Variants in PCDHGA1 observed in about 807,000 individuals in gnomAD.
PCDHGA1 encodes protocadherin gamma subfamily A, 1.
In PCDHGA1, 32 loss-of-function variants were observed where a neutral mutation model predicts 58.0. That is an observed-to-expected ratio of 0.55 (90% confidence interval 0.42 to 0.74). The LOEUF is 0.74. PCDHGA1 is among the 30% of genes least tolerant of loss of function. PCDHGA1 has a pLI of 0.00. For missense variants in PCDHGA1, 1,205 were observed against 1,182.3 expected (o/e 1.02, Z -0.28); for synonymous variants, 498 against 501.1 (o/e 0.99, Z 0.08).
At chr5:141,409,168 G>T in intron 1 of PCDHGA1, 1 of 1,614,032 alleles carries the variant, frequency 6.2e-7, no homozygotes, top group Non-Finnish European at 8.5e-7. Flanking sequence ...TGGAAGCGAA[G>T]GACGGAGGTG....
intron 1 of PCDHGA1, among the ~76,000 whole-genome samples, chr5:141,447,023 GT>G (rs5871773): frequency 0.034 from 5,146 of 151,536 alleles, 101 homozygotes; most frequent in Middle Eastern, 0.088. Flanking sequence ...GTTTTGTTTT[GT>G]TTTTTTTCTG....
intron 1 of PCDHGA1, chr5:141,351,787 G>A (rs1758823316): frequency 6.2e-7 from 1 of 1,613,298 alleles, no homozygotes; most frequent in Admixed American, 1.7e-5. Flanking sequence ...AGAGCGGGGT[G>A]GTGTTCGCGC....
chr5:141,458,918 A>C (rs1173274380), intron 1 of PCDHGA1, among the ~76,000 whole-genome samples: 1 of 152,022 alleles, frequency 6.6e-6, no homozygotes, highest in Non-Finnish European at 1.5e-5. Context: ...TTTTTTGTGG[A>C]GACGGGGTCT....
chr5:141,361,171 G>A (rs750066776), intron 1 of PCDHGA1: 49 of 1,613,824 alleles, frequency 3.0e-5, no homozygotes, highest in South Asian at 1.1e-5. Context: ...TTGTGCACCT[G>A]AAGTTATTGT....
At chr5:141,407,453 C>G (rs914537742) in intron 1 of PCDHGA1, among the ~76,000 whole-genome samples, 18 of 148,834 alleles carry the variant, frequency 1.2e-4, no homozygotes, top group African/African-American at 4.4e-4. Flanking sequence ...ACACGAGGCT[C>G]ACCAGACAGA....
intron 1 of PCDHGA1, among the ~76,000 whole-genome samples, chr5:141,483,302 C>G (rs1262756268): frequency 2.0e-5 from 3 of 152,012 alleles, no homozygotes; most frequent in Admixed American, 6.5e-5. Context: ...AGTGAAGGGA[C>G]TGGGGACATT....
Position 141,383,152 on chromosome 5 carries a change from G to T in PCDHGA1, c.2421+50047G>T, listed in dbSNP as rs200500982. ...CCTGAACCAGCGCAGCGGCAGCTTG[G>T]TCACTGCGGGCAGGATAGACCGGGA... On this transcript the variant is annotated intron_variant, in intron 1 of 3. Coordinates refer to ENST00000517417, the MANE Select transcript of PCDHGA1 (RefSeq NM_018912.3). 3.1e-6 allele frequency: 5 copies of T among 1,614,006 alleles called. No homozygotes were observed. In the African/African-American group the frequency reaches 6.7e-5, roughly 22 times the overall value.
intron 1 of PCDHGA1, chr5:141,419,426 G>C: frequency 6.2e-7 from 1 of 1,613,312 alleles, no homozygotes; most frequent in Non-Finnish European, 8.5e-7. Flanking sequence ...CTTCGACCAC[G>C]AGCAGCTGCG....
intron 2 of PCDHGA1, among the ~76,000 whole-genome samples, chr5:141,498,604 C>G (rs1445417630): frequency 6.6e-6 from 1 of 152,122 alleles, no homozygotes; most frequent in East Asian, 1.9e-4. Flanking sequence ...GGTTCAAGTT[C>G]AAGTCAGCAC....
rs1460044704 is a variant in PCDHGA1 at position 141,332,111 on chromosome 5, C to T, written c.1427C>T (p.Ala476Val). The T allele has an allele frequency of 2.5e-6, 4 of 1,614,032 alleles. No homozygotes were observed. In the Admixed American group the frequency reaches 5.0e-5, roughly 20 times the overall value. The change falls in exon 1 of 4, where the codon GCC (alanine) becomes GTC (valine). Residue 476 changes from alanine to valine, a missense_variant. Ala to Val is a moderately conservative substitution (Grantham distance 64, BLOSUM62 0). Coordinates refer to ENST00000517417, the MANE Select transcript of PCDHGA1 (RefSeq NM_018912.3). This position sits in a 1 kb window ranked among gnomAD's most constrained non-coding sequence, Gnocchi z 4.6. ...PRGASIFSVR[A>V]HDLDSNENAQ... ...GGAGCCTCCATCTTCTCTGTGAGGGCCCACGACTTGGACAGCAATGAGAAT... is the reference window on the plus strand; with the variant it reads ...GGAGCCTCCATCTTCTCTGTGAGGGTCCACGACTTGGACAGCAATGAGAAT...
chr5:141,409,442 C>T, intron 1 of PCDHGA1: 2 of 1,613,998 alleles, frequency 1.2e-6, no homozygotes, highest in Non-Finnish European at 1.7e-6. Flanking sequence ...GGACCGAGAG[C>T]AGACACCAGA....
chr5:141,510,895 CTGT>C, intron 3 of PCDHGA1, 49 bp from the exon 4 acceptor site: 1 of 1,612,988 alleles, frequency 6.2e-7, no homozygotes, highest in Non-Finnish European at 8.5e-7. Flanking sequence ...AAGACAGTGA[CTGT>C]TGAGGACCCT....
At chr5:141,496,402 G>T (rs551923899) in intron 2 of PCDHGA1, among the ~76,000 whole-genome samples, 183 of 152,248 alleles carry the variant, frequency 1.2e-3, no homozygotes, top group African/African-American at 4.0e-3. Flanking sequence ...CCTCCTCAAT[G>T]GTTGAGTACT....
chr5:141,404,116 G>A (rs751598967), intron 1 of PCDHGA1: 1 of 1,613,478 alleles, frequency 6.2e-7, no homozygotes, highest in East Asian at 2.2e-5. Flanking sequence ...CTATCCAGGA[G>A]AATCTATCTT....
At chr5:141,420,046 A>G (rs772981030) in intron 1 of PCDHGA1, 6 of 1,614,048 alleles carry the variant, frequency 3.7e-6, no homozygotes, top group South Asian at 1.1e-5. Context: ...GCTTTGAGTC[A>G]GTTCTCTGCT....
intron 1 of PCDHGA1, among the ~76,000 whole-genome samples, chr5:141,444,735 C>G (rs924159168): frequency 6.6e-6 from 1 of 152,116 alleles, no homozygotes; most frequent in Admixed American, 6.5e-5. Flanking sequence ...TGTTGAAAGT[C>G]ATTTCACTGA....
At chr5:141,344,017 G>A (rs1207500207) in intron 1 of PCDHGA1, 1 of 1,517,128 alleles carries the variant, frequency 6.6e-7, no homozygotes, top group Admixed American at 2.3e-5. Context: ...CAGAGAAAGC[G>A]ATTCACCGAA....
intron 1 of PCDHGA1, chr5:141,430,541 C>T: frequency 2.5e-6 from 1 of 392,344 alleles, no homozygotes; most frequent in Non-Finnish European, 4.5e-6. Flanking sequence ...ACTCTGAGCG[C>T]CGCTGTTCAC....
chr5:141,430,756 A>G (rs747363475), intron 1 of PCDHGA1: 1 of 1,503,228 alleles, frequency 6.7e-7, no homozygotes, highest in Non-Finnish European at 8.9e-7. Flanking sequence ...GGAGGAAGAT[A>G]AGAATGATTC....
Sources: allele counts gnomAD v4.1 joint callset (sites outside exome capture counted in the v4.1 genomes callset), GRCh38; gene constraint gnomAD v4.1.1; non-coding constraint Gnocchi (gnomAD v3.1); transcripts MANE v1.5; gene names NCBI Gene and HGNC (gene_info 2026-07-23, HGNC 2026-07-21).